The following ANKFN1 variants were observed in gnomAD, a reference collection of about 807,000 sequenced individuals.
ANKFN1 encodes ankyrin repeat and fibronectin type III domain containing 1, also known as ankyrin repeat and fibronectin type-III domain-containing protein 1.
A neutral mutation model predicts 108.7 loss-of-function variants in ANKFN1; 74 were observed. The ratio of observed to expected loss-of-function variants is 0.68; its 90% CI spans 0.56 to 0.83. ANKFN1 has a LOEUF of 0.83. ANKFN1 is among the 40% of genes least tolerant of loss of function. The pLI, the probability that ANKFN1 is intolerant of heterozygous loss-of-function variation, is 0.00. For synonymous variants in ANKFN1, 547 were observed against 516.2 expected (o/e 1.06, Z -0.81); for missense variants, 1,505 against 1,382.3 (o/e 1.09, Z -1.41).
intron 8 of ANKFN1, among the ~76,000 whole-genome samples, chr17:56,413,968 G>A (rs990388694): frequency 1.1e-4 from 17 of 152,084 alleles, no homozygotes; most frequent in African/African-American, 4.1e-4. Context: ...ATAAGCCACT[G>A]CATCCAGCCA....
intron 4 of ANKFN1, among the ~76,000 whole-genome samples, chr17:56,100,118 A>G (rs567797675): frequency 3.3e-5 from 5 of 152,370 alleles, no homozygotes; most frequent in Admixed American, 6.5e-5. Flanking sequence ...TATTCTCTCC[A>G]ATATTCAAGC....
At chr17:56,407,013 T>C (rs1321032820) in intron 8 of ANKFN1, among the ~76,000 whole-genome samples, 1 of 151,770 alleles carries the variant, frequency 6.6e-6, no homozygotes, top group Non-Finnish European at 1.5e-5. Context: ...TGGGGCCAGG[T>C]ATAAATAGGG....
chr17:56,235,301 A>G (rs1291343323), intron 3 of ANKFN1, among the ~76,000 whole-genome samples: 1 of 151,916 alleles, frequency 6.6e-6, no homozygotes, highest in Non-Finnish European at 1.5e-5. Flanking sequence ...CATGCTGTAG[A>G]TTGTCTGTTT....
chr17:56,316,339 T>C (rs2045206977), intron 3 of ANKFN1, among the ~76,000 whole-genome samples: 1 of 152,162 alleles, frequency 6.6e-6, no homozygotes. Flanking sequence ...CATGAAGTTG[T>C]GGAGATAAAC....
At chr17:56,188,551 G>T (rs1444220579) in intron 1 of ANKFN1, among the ~76,000 whole-genome samples, 1 of 64,836 alleles carries the variant, frequency 1.5e-5, no homozygotes, top group East Asian at 1.1e-3. Context: ...GTATATGTGT[G>T]TGTGTGTGTG....
intron 3 of ANKFN1, among the ~76,000 whole-genome samples, chr17:56,272,724 GT>G (rs1477871401): frequency 2.0e-5 from 3 of 152,092 alleles, no homozygotes; most frequent in Admixed American, 6.5e-5. Context: ...CTATTTTTAA[GT>G]TTTTTGAGGA....
chr17:56,255,716 C>A (rs2043341753), intron 3 of ANKFN1, among the ~76,000 whole-genome samples: 1 of 152,186 alleles, frequency 6.6e-6, no homozygotes, highest in Non-Finnish European at 1.5e-5. Flanking sequence ...ATATATCGCA[C>A]AGCATTTACA....
chr17:56,075,729 A>G (rs1171622680), intron 4 of ANKFN1, among the ~76,000 whole-genome samples: 1 of 152,180 alleles, frequency 6.6e-6, no homozygotes, highest in Non-Finnish European at 1.5e-5. Context: ...AGTGAATTTA[A>G]CATGAAAGGG....
chr17:56,204,100 G>T (rs1275553561), intron 1 of ANKFN1, among the ~76,000 whole-genome samples: 1 of 152,138 alleles, frequency 6.6e-6, no homozygotes, highest in Non-Finnish European at 1.5e-5. Context: ...AGGCTGAAGT[G>T]CAATGGCACG....
intron 4 of ANKFN1, among the ~76,000 whole-genome samples, chr17:56,061,013 A>G (rs1009383808): frequency 2.0e-5 from 3 of 152,146 alleles, no homozygotes; most frequent in Non-Finnish European, 4.4e-5. Flanking sequence ...GAATGGTACC[A>G]GCTCCTTTTT....
At chr17:56,253,799 C>T (rs2043292462) in intron 3 of ANKFN1, among the ~76,000 whole-genome samples, 1 of 152,048 alleles carries the variant, frequency 6.6e-6, no homozygotes, top group Non-Finnish European at 1.5e-5. Context: ...TCACTGAGGT[C>T]CCAGCTTTAT....
Position 56,181,057 on chromosome 17 carries a change from A to G in ANKFN1, c.-71+27527A>G, listed in dbSNP as rs144461529. ...GCAGTTTCTATTCCAAGTTGCTAAC[A>G]TAATATATGCCTTTCCCCAGAGTCC... On this transcript the variant is annotated intron_variant, in intron 1 of 20. Transcript: ENST00000682825. Among the ~76,000 whole-genome samples the G allele has an allele frequency of 9.8e-5, 15 of 152,334 alleles. No individual in the cohort carries two copies. The East Asian group carries it at 2.3e-3, about 23-fold the overall frequency.
intron 3 of ANKFN1, among the ~76,000 whole-genome samples, chr17:56,268,017 C>T (rs1398127707): frequency 1.3e-5 from 2 of 152,062 alleles, no homozygotes; most frequent in Admixed American, 1.3e-4. Flanking sequence ...TTCTTCCTGT[C>T]CATGAGCATG....
intron 15 of ANKFN1, among the ~76,000 whole-genome samples, chr17:56,468,079 T>C (rs1040148765): frequency 1.3e-5 from 2 of 152,194 alleles, no homozygotes; most frequent in African/African-American, 4.8e-5. Flanking sequence ...TCCACAAAAC[T>C]TGATTTTGTC....
At chr17:56,371,710 G>A (rs957133359) in intron 6 of ANKFN1, among the ~76,000 whole-genome samples, 2 of 152,122 alleles carry the variant, frequency 1.3e-5, no homozygotes, top group Non-Finnish European at 2.9e-5. Flanking sequence ...AGTGACCATC[G>A]TGGCAGGCCC....
chr17:56,157,020 G>A (rs1909183150), intron 1 of ANKFN1, among the ~76,000 whole-genome samples: 1 of 152,154 alleles, frequency 6.6e-6, no homozygotes, highest in South Asian at 2.1e-4. Context: ...ATTTAGCTTA[G>A]ATATTACCAA....
chr17:56,414,138 C>T (rs976417973), intron 8 of ANKFN1, among the ~76,000 whole-genome samples: 2 of 152,074 alleles, frequency 1.3e-5, no homozygotes, highest in Non-Finnish European at 2.9e-5. Flanking sequence ...GGATATTGGC[C>T]TGAATTTTTT....
intron 4 of ANKFN1, among the ~76,000 whole-genome samples, chr17:56,111,907 T>C (rs1905986848): frequency 6.6e-6 from 1 of 152,232 alleles, no homozygotes; most frequent in African/African-American, 2.4e-5. Context: ...CACAGCCTGC[T>C]GAACCAAGGA....
upstream of ANKFN1, among the ~76,000 whole-genome samples, chr17:56,151,383 A>G (rs1044270763): frequency 6.6e-6 from 1 of 152,230 alleles, no homozygotes; most frequent in Non-Finnish European, 1.5e-5. Context: ...ATGAATGTCT[A>G]AAATGCTGGG....
Sources: allele counts gnomAD v4.1 joint callset (sites outside exome capture counted in the v4.1 genomes callset), GRCh38; gene constraint gnomAD v4.1.1; transcripts MANE v1.5; gene names NCBI Gene and HGNC (gene_info 2026-07-23, HGNC 2026-07-21).